The following PLPP3 variants were observed in gnomAD, a reference collection of about 807,000 sequenced individuals.
PLPP3 encodes the protein phospholipid phosphatase 3.
PLPP3 carries 6 observed loss-of-function variants against 29.6 expected under a neutral mutation model. The ratio of observed to expected loss-of-function variants is 0.20; its 90% CI spans 0.11 to 0.40. PLPP3 has a LOEUF of 0.40. Ranked by LOEUF, PLPP3 falls within the 10% of genes least tolerant of loss-of-function variation. PLPP3 has a pLI of 1.00. For missense variants in PLPP3, 308 were observed against 407.7 expected (o/e 0.76, Z 2.11); for synonymous variants, 152 against 159.7 (o/e 0.95, Z 0.36).
chr1:56,546,148 T>C (rs1251407836), intron 1 of PLPP3, among the ~76,000 whole-genome samples: 1 of 152,194 alleles, frequency 6.6e-6, no homozygotes, highest in Non-Finnish European at 1.5e-5. Flanking sequence ...AGCTCTAAAG[T>C]GTGTGGCAAT....
At chr1:56,536,756 C>T (rs1208542436) in intron 2 of PLPP3, among the ~76,000 whole-genome samples, 199 bp downstream of exon 2, 2 of 152,128 alleles carry the variant, frequency 1.3e-5, no homozygotes, top group Non-Finnish European at 1.5e-5. Flanking sequence ...TTTAACTCTC[C>T]CATCTGTATA....
At chr1:56,551,554 A>T (rs1221086565) in intron 1 of PLPP3, among the ~76,000 whole-genome samples, 1 of 152,060 alleles carries the variant, frequency 6.6e-6, no homozygotes, top group East Asian at 1.9e-4. Context: ...TCCCCACTCA[A>T]AGCATGAAGG....
intron 5 of PLPP3, 44 bp downstream of exon 5, chr1:56,511,932 A>C: frequency 6.2e-7 from 1 of 1,602,944 alleles, no homozygotes; most frequent in Non-Finnish European, 8.5e-7. Flanking sequence ...AACAAGCAAC[A>C]GTCCAGGGCT....
chr1:56,557,278 T>G (rs941478540), intron 1 of PLPP3, among the ~76,000 whole-genome samples: 3 of 151,210 alleles, frequency 2.0e-5, no homozygotes, highest in Non-Finnish European at 4.4e-5. Flanking sequence ...CTCGGGAGGT[T>G]GAGGCAGGAG....
chr1:56,565,970 A>C (rs1473180862), intron 1 of PLPP3, among the ~76,000 whole-genome samples: 1 of 152,234 alleles, frequency 6.6e-6, no homozygotes, highest in Non-Finnish European at 1.5e-5. Flanking sequence ...CATCATTAGC[A>C]GAAATAAACA....
At chr1:56,511,379 C>T (rs764605726) in intron 5 of PLPP3, among the ~76,000 whole-genome samples, 18 of 152,148 alleles carry the variant, frequency 1.2e-4, no homozygotes, top group Admixed American at 4.6e-4. Flanking sequence ...ACTCGATGTA[C>T]GAGGGCCTCA....
At chr1:56,521,234 CAAAAAAAAAAAA>C (rs765448174) in intron 4 of PLPP3, among the ~76,000 whole-genome samples, 2 of 54,786 alleles carry the variant, frequency 3.7e-5, no homozygotes, top group Admixed American at 1.8e-4. Context: ...GACTCTGTCT[CAAAAAAAAAAAA>C]AAAAAAAAAA....
At chr1:56,502,344 A>G (rs1645673500) in intron 5 of PLPP3, among the ~76,000 whole-genome samples, 1 of 152,228 alleles carries the variant, frequency 6.6e-6, no homozygotes, top group African/African-American at 2.4e-5. Context: ...AGAATTTTAG[A>G]ATCTTAGAAC....
chr1:56,505,611 C>T (rs1261382286), intron 5 of PLPP3, among the ~76,000 whole-genome samples: 2 of 152,150 alleles, frequency 1.3e-5, no homozygotes, highest in East Asian at 1.9e-4. Flanking sequence ...ATCACTTCCA[C>T]CTAATGTATA....
At position 56,578,866 on chromosome 1, in the gene PLPP3, G is replaced by C. The variant is rs376236063; in HGVS notation, c.139+12C>G. ...GGGCCGAGGGGCCGAGGGACAGCGG[G>C]GCTGGGCTCACCCATGAAGAGGCAG... On this transcript the variant is annotated intron_variant, in intron 1 of 5. Transcript: ENST00000371250. 26 of 1,551,560 alleles carry C rather than the reference G, an allele frequency of 1.7e-5. No homozygotes were observed. The highest frequency in any genetic ancestry group is 2.8e-5 in the African/African-American group (2 of 70,712).
intron 4 of PLPP3, chr1:56,513,312 C>T (rs991732223): frequency 2.6e-5 from 4 of 152,658 alleles, no homozygotes; most frequent in African/African-American, 7.2e-5. Context: ...ACAACCTATT[C>T]CCAGGTTCCT....
intron 1 of PLPP3, among the ~76,000 whole-genome samples, chr1:56,557,929 G>T (rs1646096278): frequency 6.6e-6 from 1 of 152,082 alleles, no homozygotes; most frequent in South Asian, 2.1e-4. Flanking sequence ...GCCTCAAAAG[G>T]CCCTTTGTTT....
In PLPP3 at chr1:56,496,624, G is replaced by C. The variant is rs762473321; in HGVS notation, c.863C>G (p.Ala288Gly). The C allele has an allele frequency of 5.0e-6, 8 of 1,613,896 alleles. No homozygotes were observed. The East Asian group carries it at 1.6e-4, about 31-fold the overall frequency. ...FKTKTTLSLP[A>G]PAIRKEILSP... is the part of the protein sequence containing the mutation. ...AAGGATTTCCTTCCGGATAGCAGGG[G>C]CAGGCAGGGAGAGCGTCGTCTTAGT... The change falls in exon 6 of 6, where the codon GCC becomes GGC. Residue 288 changes from alanine (A) to glycine (G), a missense_variant. Physicochemically the swap from Ala to Gly is moderately conservative, Grantham distance 60. Around this residue, in one of 3 missense-constraint regions of PLPP3, gnomAD observed 232 missense variants for 317.2 expected, o/e 0.73. Coordinates refer to ENST00000371250, the MANE Select transcript of PLPP3 (RefSeq NM_003713.5).
intron 1 of PLPP3, among the ~76,000 whole-genome samples, chr1:56,553,183 A>C (rs1646052186): frequency 6.6e-6 from 1 of 152,146 alleles, no homozygotes; most frequent in South Asian, 2.1e-4. Context: ...AATATGATTC[A>C]TGTGTGTGGC....
At chr1:56,570,866 T>A (rs1646193306) in intron 1 of PLPP3, among the ~76,000 whole-genome samples, 1 of 152,224 alleles carries the variant, frequency 6.6e-6, no homozygotes, top group African/African-American at 2.4e-5. Context: ...TCAGCAGTGA[T>A]CTTGGTAATA....
chr1:56,519,891 T>C (rs1303313979), intron 4 of PLPP3, among the ~76,000 whole-genome samples: 1 of 152,182 alleles, frequency 6.6e-6, no homozygotes. Context: ...TGACCTAACA[T>C]GAAGTGCCCT....
chr1:56,537,278 G>A (rs372686213), intron 1 of PLPP3, among the ~76,000 whole-genome samples, 166 bp from the exon 2 acceptor site: 27 of 152,168 alleles, frequency 1.8e-4, no homozygotes, highest in African/African-American at 6.5e-4. Context: ...GAGAGCTTTC[G>A]CTATGCACAA....
At chr1:56,522,933 C>T (rs529014128) in intron 4 of PLPP3, among the ~76,000 whole-genome samples, 1 of 152,220 alleles carries the variant, frequency 6.6e-6, no homozygotes, top group East Asian at 1.9e-4. Flanking sequence ...AAAAACAGAC[C>T]AGCCCTCTGT....
At chr1:56,515,468 G>C (rs989069036) in intron 4 of PLPP3, among the ~76,000 whole-genome samples, 3 of 152,164 alleles carry the variant, frequency 2.0e-5, no homozygotes, top group African/African-American at 7.2e-5. Context: ...CCCTGATTCA[G>C]ATACTTAAGG....
Sources: gnomAD v4.1 joint callset for allele counts (sites outside exome capture counted in the v4.1 genomes callset) on GRCh38, gnomAD v4.1.1 for gene constraint, gnomAD v4.1.1 regional missense constraint, MANE v1.5 for transcripts, NCBI Gene and HGNC (gene_info 2026-07-23, HGNC 2026-07-21) for gene names.